RAD51B: variants seen among roughly 807,000 people sequenced by gnomAD.
RAD51B encodes the protein DNA repair protein RAD51 homolog 2.
A neutral mutation model predicts 42.2 loss-of-function variants in RAD51B; 38 were observed. The observed-to-expected ratio is 0.90, with a 90% CI of 0.70 to 1.18. The LOEUF (loss-of-function observed/expected upper bound fraction) is 1.18, where lower values mean the gene tolerates loss of function less well. Ranked by LOEUF, RAD51B falls within the 50% of genes most tolerant of loss-of-function variation. The probability of loss-of-function intolerance (pLI) is 0.00; values close to 1 mark genes in which losing one functional copy is unlikely to be tolerated. For synonymous variants in RAD51B, 154 were observed against 145.2 expected (o/e 1.06, Z -0.43); for missense variants, 373 against 400.7 (o/e 0.93, Z 0.59).
chr14:68,595,382 C>T (rs1890948901), exon 11 of RAD51B: 3 of 1,066,344 alleles, frequency 2.8e-6, no homozygotes, highest in Non-Finnish European at 3.4e-6. Context: ...CCTGTTTTGT[C>T]TGAAATAATG....
At chr14:68,495,992 A>G (rs866990599) in intron 10 of RAD51B, among the ~76,000 whole-genome samples, 3 of 152,184 alleles carry the variant, frequency 2.0e-5, no homozygotes, top group Non-Finnish European at 1.5e-5. Flanking sequence ...AGCTTAAGAA[A>G]TGAAATGTTA....
At chr14:67,969,307 A>G (rs1447375559) in intron 7 of RAD51B, among the ~76,000 whole-genome samples, 2 of 152,162 alleles carry the variant, frequency 1.3e-5, no homozygotes, top group African/African-American at 4.8e-5. Flanking sequence ...TAAAAATTAG[A>G]CTGTCTTAGA....
chr14:68,256,751 T>G (rs1206933920), intron 7 of RAD51B, among the ~76,000 whole-genome samples: 1 of 152,076 alleles, frequency 6.6e-6, no homozygotes, highest in Non-Finnish European at 1.5e-5. Flanking sequence ...ACTTCACCAA[T>G]CTCTCTTGCC....
intron 8 of RAD51B, among the ~76,000 whole-genome samples, chr14:68,405,829 C>CAAA (rs10547910): frequency 1.4e-4 from 10 of 71,500 alleles, no homozygotes; most frequent in East Asian, 4.3e-4. Context: ...AGTTTATCAC[C>CAAA]AAAAAAAAAA....
At chr14:68,004,146 C>T (rs925094532) in intron 7 of RAD51B, among the ~76,000 whole-genome samples, 3 of 151,818 alleles carry the variant, frequency 2.0e-5, no homozygotes, top group Non-Finnish European at 4.4e-5. Context: ...CTGGCTGACA[C>T]GGTGAAACCC....
chr14:67,846,007 G>A (rs1419679864), intron 4 of RAD51B, among the ~76,000 whole-genome samples: 1 of 152,172 alleles, frequency 6.6e-6, no homozygotes, highest in African/African-American at 2.4e-5. Flanking sequence ...AACCTTCTGT[G>A]CTGGAGGAGC....
intron 10 of RAD51B, among the ~76,000 whole-genome samples, chr14:68,564,737 G>A (rs566934784): frequency 3.9e-5 from 6 of 152,318 alleles, no homozygotes; most frequent in East Asian, 1.9e-4. Flanking sequence ...TAATCAGGTC[G>A]GGTTGAGCTG....
Position 68,093,456 on chromosome 14 carries a change from C to A in RAD51B, c.757-198428C>A, listed in dbSNP as rs543160320. Among the ~76,000 whole-genome samples, 41 of 152,258 alleles carry A rather than the reference C, an allele frequency of 2.7e-4. 1 individual carries two copies. The highest frequency in any genetic ancestry group is 9.4e-4 in the African/African-American group (39 of 41,550). ...GGGTGTATGTGTCCAGGAATTTATC[C>A]ATTTCTTCTAGATTTTCTAGTTTAT... is the stretch of plus-strand genomic sequence containing the variant. On this transcript the variant is annotated intron_variant, in intron 7 of 10. Coordinates refer to ENST00000471583, the MANE Select transcript of RAD51B (RefSeq NM_133510.4).
intron 8 of RAD51B, among the ~76,000 whole-genome samples, chr14:68,334,474 G>A (rs2082407264): frequency 6.6e-6 from 1 of 152,210 alleles, no homozygotes; most frequent in African/African-American, 2.4e-5. Flanking sequence ...TGGTCTTGCT[G>A]TCTCAGAGGT....
At chr14:68,201,739 T>A (rs1170835323) in intron 7 of RAD51B, among the ~76,000 whole-genome samples, 1 of 152,174 alleles carries the variant, frequency 6.6e-6, no homozygotes, top group Non-Finnish European at 1.5e-5. Flanking sequence ...GTAGAGGGTA[T>A]AGGGAAGGCT....
At chr14:67,921,567 T>TCACA (rs3219795) in intron 7 of RAD51B, among the ~76,000 whole-genome samples, 2,416 of 125,886 alleles carry the variant, frequency 0.019, 22 homozygotes, top group East Asian at 0.041. Flanking sequence ...TATGTGCACA[T>TCACA]CACACACACA....
At chr14:68,267,883 T>A (rs2081024859) in intron 7 of RAD51B, among the ~76,000 whole-genome samples, 1 of 152,204 alleles carries the variant, frequency 6.6e-6, no homozygotes, top group Admixed American at 6.5e-5. Flanking sequence ...CCTGTCCTGA[T>A]TCTGGGATTG....
At chr14:68,622,848 G>A (rs1286592032) in intron 10 of RAD51B, among the ~76,000 whole-genome samples, 5 of 151,782 alleles carry the variant, frequency 3.3e-5, no homozygotes, top group African/African-American at 9.7e-5. Context: ...TGGGGAAAAC[G>A]ATACCCCTGA....
chr14:68,193,095 C>CGT (rs2079299905), intron 7 of RAD51B, among the ~76,000 whole-genome samples: 1 of 152,100 alleles, frequency 6.6e-6, no homozygotes. Context: ...GTTGATCCCG[C>CGT]GTGACCCCTC....
intron 7 of RAD51B, among the ~76,000 whole-genome samples, chr14:68,123,191 C>CTTTTTTTTTTTTTTTTTTTTTT (rs541886088): frequency 4.8e-5 from 6 of 125,448 alleles, no homozygotes; most frequent in South Asian, 2.5e-4. Flanking sequence ...TTCTTTCTTT[C>CTTTTTTTTTTTTTTTTTTTTTT]TTTTTTTTTT....
chr14:67,956,026 G>T (rs139226425), intron 7 of RAD51B, among the ~76,000 whole-genome samples: 36 of 152,094 alleles, frequency 2.4e-4, no homozygotes, highest in African/African-American at 8.2e-4. Context: ...ACACTGTGGT[G>T]GATACTCAGT....
intron 5 of RAD51B, among the ~76,000 whole-genome samples, chr14:67,882,430 G>A (rs2042935817): frequency 2.0e-5 from 3 of 152,054 alleles, no homozygotes; most frequent in Non-Finnish European, 4.4e-5. Context: ...TTCTATATCT[G>A]TACTCAATCC....
At chr14:68,507,979 A>G (rs1885460086) in intron 10 of RAD51B, among the ~76,000 whole-genome samples, 1 of 152,232 alleles carries the variant, frequency 6.6e-6, no homozygotes, top group Non-Finnish European at 1.5e-5. Context: ...TACCGTCGGA[A>G]GCAGAGGGTG....
intron 10 of RAD51B, among the ~76,000 whole-genome samples, chr14:68,499,901 G>C (rs774904494): frequency 3.3e-5 from 5 of 152,172 alleles, no homozygotes; most frequent in Non-Finnish European, 7.3e-5. Flanking sequence ...GTGGTTTTAG[G>C]CCACTCTGTT....
Sources: gnomAD v4.1 joint callset for allele counts (sites outside exome capture counted in the v4.1 genomes callset) on GRCh38, gnomAD v4.1.1 for gene constraint, MANE v1.5 for transcripts, NCBI Gene and HGNC (gene_info 2026-07-23, HGNC 2026-07-21) for gene names.